Variants in LAMP5 observed in about 807,000 individuals in gnomAD.
The protein encoded by LAMP5 is lysosome-associated membrane glycoprotein 5.
Under a neutral mutation model 30.2 loss-of-function variants are expected in LAMP5, and 36 were observed. The ratio of observed to expected loss-of-function variants is 1.19; its 90% CI spans 0.91 to 1.57. LAMP5 has a LOEUF of 1.57. LAMP5 is among the 40% of genes most tolerant of loss of function. The pLI, the probability that LAMP5 is intolerant of heterozygous loss-of-function variation, is 0.00. For synonymous variants in LAMP5, 149 were observed against 134.6 expected (o/e 1.11, Z -0.74); for missense variants, 377 against 354.9 (o/e 1.06, Z -0.50).
intron 5 of LAMP5, among the ~76,000 whole-genome samples, chr20:9,528,506 G>T (rs905807782): frequency 6.6e-6 from 1 of 152,122 alleles, no homozygotes; most frequent in South Asian, 2.1e-4. Flanking sequence ...TTTACACATA[G>T]AAATGATAAA....
At chr20:9,514,947 G>T in intron 1 of LAMP5, 31 bp downstream of exon 1, 1 of 1,599,278 alleles carries the variant, frequency 6.3e-7, no homozygotes, top group Non-Finnish European at 8.6e-7. Context: ...TGGGAGAGAG[G>T]ACGGGCACTC....
intron 5 of LAMP5, among the ~76,000 whole-genome samples, chr20:9,525,561 G>T (rs2045106797): frequency 6.6e-6 from 1 of 152,164 alleles, no homozygotes; most frequent in Admixed American, 6.5e-5. Flanking sequence ...TTGATGTGAT[G>T]ATCTGGATCT....
intron 2 of LAMP5, 23 bp downstream of exon 2, chr20:9,515,648 C>T (rs1262644416): frequency 6.2e-7 from 1 of 1,604,526 alleles, no homozygotes; most frequent in Non-Finnish European, 8.5e-7. Context: ...TCCCCCCCCT[C>T]AGCTTGCTCC....
Position 9,530,232 on chromosome 20 carries a change from G to A in LAMP5, c.*412G>A, listed in dbSNP as rs2045141608. ...GGGGTGCTTTGCTCCCTTGGACACAGCTGGCTTATCCTATACAGTTGTCAA... is the reference window on the plus strand; with the variant it reads ...GGGGTGCTTTGCTCCCTTGGACACAACTGGCTTATCCTATACAGTTGTCAA... On this transcript the variant is annotated 3_prime_UTR_variant, in exon 6 of 6. Transcript: ENST00000246070. 5.8e-6 allele frequency: 1 copy of A among 172,134 alleles called. No homozygotes were observed. The highest frequency in any genetic ancestry group is 5.6e-5 in the Admixed American group (1 of 17,986). The allele number at this position is 172,134 out of a possible 1,614,324, so 10.7% of individuals were successfully genotyped here.
intron 5 of LAMP5, among the ~76,000 whole-genome samples, chr20:9,522,970 A>ATTTT (rs2045088888): frequency 1.3e-4 from 16 of 119,952 alleles, no homozygotes; most frequent in Non-Finnish European, 2.0e-4. Context: ...TAATACTTAA[A>ATTTT]TCTTTTTTTT....
Position 9,518,038 on chromosome 20 carries a change from A to G in LAMP5, c.476-2A>G. On this transcript the variant is annotated splice_acceptor_variant, in intron 4 of 5. Coordinates refer to ENST00000246070, the MANE Select transcript of LAMP5 (RefSeq NM_012261.4). LOFTEE classifies it high-confidence loss of function. The stretch of plus-strand genomic sequence containing the variant: ...AACTATTGCTCTGGGCTCTTGCTGT[A>G]GCTGGGAAGCACACAGCCAACTCGC... 1.3e-6 allele frequency: 2 copies of G among 1,540,814 alleles called. No individual in the cohort carries two copies. The highest frequency in any genetic ancestry group is 1.9e-4 in the Middle Eastern group (1 of 5,394).
rs567102611 is a variant in LAMP5, at chr20:9,526,243, C to A, written c.665-3399C>A. 3.0e-4 allele frequency among the ~76,000 whole-genome samples: 46 copies of A among 152,260 alleles called. No homozygotes were observed. The South Asian group carries it at 9.1e-3, about 30-fold the overall frequency. ...GCCTTATTACTAAATAATTTGAAAT[C>A]AATGTATTTCTTCTTAATATTTTAA... On this transcript the variant is annotated intron_variant, in intron 5 of 5. Coordinates refer to ENST00000246070, the MANE Select transcript of LAMP5 (RefSeq NM_012261.4).
chr20:9,516,162 G>T, intron 3 of LAMP5, 31 bp downstream of exon 3: 2 of 1,586,666 alleles, frequency 1.3e-6, no homozygotes, highest in Non-Finnish European at 8.6e-7. Context: ...CAGAGGGGCC[G>T]CAGGCTCCGC....
chr20:9,518,576 A>T, intron 5 of LAMP5, among the ~76,000 whole-genome samples: 1 of 152,202 alleles, frequency 6.6e-6, no homozygotes, highest in East Asian at 1.9e-4. Flanking sequence ...CTTTGCCAAA[A>T]GATGAACCTT....
rs2045056251 is a variant in LAMP5, at chr20:9,518,238, T to C, written c.664+10T>C. ...TTTGTCTTCAGTGAAGGTAAGTTGT[T>C]GGGGGATGGAGGGGAAGAAGACCTA... On this transcript the variant is annotated intron_variant, in intron 5 of 5. Transcript: ENST00000246070. 2.5e-6 allele frequency: 4 copies of C among 1,613,230 alleles called. No homozygotes were observed. The highest frequency in any genetic ancestry group is 3.4e-6 in the Non-Finnish European group (4 of 1,179,270).
chr20:9,521,490 A>G (rs2045079583), intron 5 of LAMP5, among the ~76,000 whole-genome samples: 1 of 152,242 alleles, frequency 6.6e-6, no homozygotes, highest in African/African-American at 2.4e-5. Context: ...TAACAGTCTC[A>G]GCCTGCAGTG....
At chr20:9,521,576 G>A (rs2045079918) in intron 5 of LAMP5, among the ~76,000 whole-genome samples, 1 of 152,088 alleles carries the variant, frequency 6.6e-6, no homozygotes, top group Admixed American at 6.6e-5. Context: ...ACTTTGTACA[G>A]CAACTATCAC....
chr20:9,527,835 C>T (rs2045124382), intron 5 of LAMP5, among the ~76,000 whole-genome samples: 1 of 152,074 alleles, frequency 6.6e-6, no homozygotes, highest in South Asian at 2.1e-4. Context: ...CACTATGAAG[C>T]TATCTTGAAT....
intron 5 of LAMP5, among the ~76,000 whole-genome samples, chr20:9,526,360 A>C (rs1474480412): frequency 1.3e-5 from 2 of 152,240 alleles, no homozygotes; most frequent in African/African-American, 4.8e-5. Flanking sequence ...AAACCAATCA[A>C]ACCCTGCAAT....
Position 9,524,590 on chromosome 20 carries a change from C to T in LAMP5, c.665-5052C>T, listed in dbSNP as rs139768143. On this transcript the variant is annotated intron_variant, in intron 5 of 5. Transcript: ENST00000246070. ...ATAATCCCTCATCTAAAACCCAGAT[C>T]GAACTAAAAAAAAAAAAAAAAAAAA... Among the ~76,000 whole-genome samples, 28 of 83,060 alleles carry T rather than the reference C, an allele frequency of 3.4e-4. No individual in the cohort carries two copies. The East Asian group carries it at 0.011, about 31-fold the overall frequency. The allele number at this position is 83,060 out of a possible 152,430, so 54.5% of individuals were successfully genotyped here. A position where few individuals can be genotyped will look rare whatever the true frequency, so the allele number is the denominator to read the frequency against.
intron 5 of LAMP5, among the ~76,000 whole-genome samples, chr20:9,527,416 A>T (rs6039491): frequency 0.47 from 70,965 of 151,984 alleles, 20,399 homozygotes; most frequent in African/African-American, 0.82. Flanking sequence ...GTATACAGCT[A>T]TCAAAGGCTG....
chr20:9,526,883 TATATATATATATATATATAC>T (rs1568945710), intron 5 of LAMP5, among the ~76,000 whole-genome samples: 2 of 118,818 alleles, frequency 1.7e-5, no homozygotes, highest in Non-Finnish European at 1.8e-5. Context: ...TATATATATA[TATATATATATATATATATAC>T]ACACACATAC....
In LAMP5 at chr20:9,516,215, C is replaced by T. The variant is rs763014235; in HGVS notation, c.370-41C>T. The T allele has an allele frequency of 2.5e-6, 4 of 1,605,318 alleles. No homozygotes were observed. The East Asian group carries it at 6.7e-5, about 27-fold the overall frequency. On this transcript the variant is annotated intron_variant, in intron 3 of 5. Coordinates refer to ENST00000246070, the MANE Select transcript of LAMP5 (RefSeq NM_012261.4). ...CGGCCCCTAGGTTTAAGAACCCAGA[C>T]GCTGCGGGGACGATTGAAGCGCACC...
At chr20:9,518,436 AGCC>A (rs2122833622) in intron 5 of LAMP5, among the ~76,000 whole-genome samples, 1 of 152,270 alleles carries the variant, frequency 6.6e-6, no homozygotes, top group East Asian at 1.9e-4. Context: ...TCTCCCTCCC[AGCC>A]TCCTCCCCGT....
Sources: allele counts gnomAD v4.1 joint callset (sites outside exome capture counted in the v4.1 genomes callset), GRCh38; gene constraint gnomAD v4.1.1; transcripts MANE v1.5; gene names NCBI Gene and HGNC (gene_info 2026-07-23, HGNC 2026-07-21).